SPG11: variants seen among roughly 807,000 people sequenced by gnomAD.
The protein encoded by SPG11 is spatacsin.
In SPG11, 222 loss-of-function variants were observed where a neutral mutation model predicts 274.0. That is an observed-to-expected ratio of 0.81 (90% CI 0.73 to 0.91). SPG11 has a LOEUF of 0.91. SPG11 is among the 40% of genes least tolerant of loss of function. SPG11 has a pLI of 0.00. For missense variants in SPG11, 3,114 were observed against 2,872.7 expected (o/e 1.08, Z -1.92); for synonymous variants, 1,144 against 1,039.7 (o/e 1.10, Z -1.93).
chr15:44,616,177 A>G (rs2083589669), intron 15 of SPG11, among the ~76,000 whole-genome samples: 2 of 145,544 alleles, frequency 1.4e-5, no homozygotes, highest in African/African-American at 5.1e-5. Context: ...GGTAGCCACT[A>G]TCTTGACTTT....
In SPG11 at chr15:44,628,973, G is replaced by T. The variant is rs981834904; in HGVS notation, c.1892-129C>A. 5.0e-6 allele frequency: 5 copies of T among 1,000,856 alleles called. No individual in the cohort carries two copies. The African/African-American group carries it at 8.0e-5, about 16-fold the overall frequency. 62.0% of individuals were successfully genotyped at this position (1,000,856 alleles called of 1,614,324 possible). On this transcript the variant is annotated intron_variant, in intron 9 of 39. Transcript: ENST00000261866. ...TTTAAATTTCAAACAATATGTCTGA[G>T]GATTTTCCTTTTTACAAGTAAGTAG...
intron 11 of SPG11, among the ~76,000 whole-genome samples, chr15:44,624,024 T>C (rs753140029): frequency 2.0e-4 from 30 of 151,978 alleles, no homozygotes; most frequent in Non-Finnish European, 3.2e-4. Flanking sequence ...GCCTCCAAAA[T>C]TGCTGGGATT....
intron 33 of SPG11, among the ~76,000 whole-genome samples, chr15:44,571,719 G>C (rs1053309676): frequency 1.3e-5 from 2 of 151,872 alleles, no homozygotes; most frequent in African/African-American, 2.4e-5. Context: ...GGATGATCTC[G>C]ATCTCCTGAC....
Position 44,596,244 on chromosome 15 carries a change from T to A in SPG11, c.4273A>T (p.Asn1425Tyr), listed in dbSNP as rs1328871207. 5 of 1,614,176 alleles carry A rather than the reference T, an allele frequency of 3.1e-6. No individual in the cohort carries two copies. Among genetic ancestry groups the A allele is most frequent in the Non-Finnish European group, 3.4e-6 (4 of 1,180,014 alleles). The change falls in exon 25 of 40, where the codon AAT (asparagine) becomes TAT (tyrosine). Residue 1425 changes from asparagine (N) to tyrosine (Y), a missense_variant. By Grantham distance (143) the Asn-to-Tyr change is moderately radical. Transcript: ENST00000261866. ...CCTTGAAGTTCCTGGGGGCACTTAT[T>A]GCAGACTTGATCGCTGTCCATTTTG... ...TSKMDSDQVC[N>Y]KCPQELQGSK...
intron 4 of SPG11, among the ~76,000 whole-genome samples, chr15:44,653,086 CTAATGTACAGAAAATGAGAAG>C: frequency 6.6e-6 from 1 of 151,944 alleles, no homozygotes; most frequent in East Asian, 1.9e-4. Context: ...GCTAGGGTGG[CTAATGTACAGAAAATGAGAAG>C]TAAGATGGAA....
At chr15:44,629,517 C>T (rs1340102305) in intron 8 of SPG11, 129 bp from the exon 9 acceptor site, 5 of 1,036,906 alleles carry the variant, frequency 4.8e-6, no homozygotes, top group East Asian at 2.6e-5. Flanking sequence ...TTTCAAAAAG[C>T]TCACAAAACT....
chr15:44,585,309 G>A (rs1470075575), intron 29 of SPG11, among the ~76,000 whole-genome samples: 1 of 151,860 alleles, frequency 6.6e-6, no homozygotes, highest in African/African-American at 2.4e-5. Context: ...GACCAATGAG[G>A]CTGGGCGTGG....
At chr15:44,654,434 G>C (rs1311111054) in intron 4 of SPG11, among the ~76,000 whole-genome samples, 2 of 152,122 alleles carry the variant, frequency 1.3e-5, no homozygotes, top group Non-Finnish European at 2.9e-5. Flanking sequence ...CTTGATCCCA[G>C]GAGGCGGACC....
Position 44,572,732 on chromosome 15 carries a change from C to G in SPG11, c.6294G>C (p.Met2098Ile). The G allele has an allele frequency of 6.2e-7, 1 of 1,614,144 alleles. No homozygotes were observed. Among genetic ancestry groups the G allele is most frequent in the Non-Finnish European group, 8.5e-7 (1 of 1,180,008 alleles). The part of the protein sequence containing the change: ...TLCQDRTLVG[M>I]KLLDKISSVP... ...CGGAGGAAATCTTATCCAACAACTT[C>G]ATGCCTACCAATGTGCGGTCTTGAC... The change falls in exon 33 of 40, where the codon ATG becomes ATC. Residue 2098 changes from methionine to isoleucine, a missense_variant. By Grantham distance (10) the Met-to-Ile change is conservative. Coordinates refer to ENST00000261866, the MANE Select transcript of SPG11 (RefSeq NM_025137.4).
At position 44,657,240 on chromosome 15, in the gene SPG11, T is replaced by C. The variant is rs2084967576; in HGVS notation, c.724A>G (p.Lys242Glu). 1 of 1,614,126 alleles carries C rather than the reference T, an allele frequency of 6.2e-7. No homozygotes were observed. The highest frequency in any genetic ancestry group is 8.5e-7 in the Non-Finnish European group (1 of 1,180,054). The change falls in exon 4 of 40, where the codon AAA becomes GAA. Residue 242 changes from lysine (K) to glutamate (E), a missense_variant. By Grantham distance (56) the Lys-to-Glu change is moderately conservative. Coordinates refer to ENST00000261866, the MANE Select transcript of SPG11 (RefSeq NM_025137.4). The part of the protein sequence containing the change: ...YVAHVDLALH[K>E]EDMCNEQQQE... ...TGCTGCTCATTACACATGTCTTCTT[T>C]GTGAAGTGCTAAATCCACATGAGCT... is the stretch of plus-strand genomic sequence containing the variant.
At chr15:44,635,479 A>G (rs986134508) in intron 7 of SPG11, among the ~76,000 whole-genome samples, 13 of 150,984 alleles carry the variant, frequency 8.6e-5, no homozygotes, top group African/African-American at 3.2e-4. Context: ...GGTGGCGCAC[A>G]CCTGTAGTCC....
chr15:44,575,949 C>A (rs1336921349), intron 30 of SPG11, among the ~76,000 whole-genome samples: 1 of 151,688 alleles, frequency 6.6e-6, no homozygotes, highest in Non-Finnish European at 1.5e-5. Flanking sequence ...TCGAGACCAG[C>A]CTGACCAACA....
chr15:44,585,203 TA>T (rs553523542), intron 29 of SPG11, among the ~76,000 whole-genome samples: 20 of 146,612 alleles, frequency 1.4e-4, no homozygotes, highest in South Asian at 2.1e-4. Context: ...GTGTCAAAAG[TA>T]AAAAAAAAAG....
intron 7 of SPG11, among the ~76,000 whole-genome samples, chr15:44,643,001 G>A (rs908834610): frequency 6.6e-6 from 1 of 152,066 alleles, no homozygotes; most frequent in Non-Finnish European, 1.5e-5. Context: ...CCTTGATGGT[G>A]GATACAAGAA....
At chr15:44,588,314 AAAAC>A (rs1253140115) in intron 28 of SPG11, among the ~76,000 whole-genome samples, 4 of 151,974 alleles carry the variant, frequency 2.6e-5, no homozygotes, top group African/African-American at 9.6e-5. Context: ...AACAAACAAA[AAAAC>A]AAGCACAATT....
rs958699342 is a variant in SPG11, at chr15:44,642,435, T to A, written c.1602+6431A>T. 5.4e-5 allele frequency among the ~76,000 whole-genome samples: 8 copies of A among 148,972 alleles called. 1 individual carries two copies. The highest frequency in any genetic ancestry group is 1.2e-4 in the Non-Finnish European group (8 of 67,104). On this transcript the variant is annotated intron_variant, in intron 7 of 39. Coordinates refer to ENST00000261866, the MANE Select transcript of SPG11 (RefSeq NM_025137.4). ...AAAAAAAATATGTAAAATATATAAT[T>A]ATATATATACACACACACACATACA...
chr15:44,587,406 C>G (rs1247088846), intron 28 of SPG11, among the ~76,000 whole-genome samples: 2 of 152,094 alleles, frequency 1.3e-5, no homozygotes, highest in African/African-American at 4.8e-5. Context: ...GAACATATTC[C>G]TGGCTGGGCA....
chr15:44,588,580 T>C (rs769338845), intron 28 of SPG11: 8 of 378,072 alleles, frequency 2.1e-5, no homozygotes, highest in Non-Finnish European at 3.8e-5. Flanking sequence ...CTCAGAAGGC[T>C]GGGCCGTTTG....
intron 30 of SPG11, among the ~76,000 whole-genome samples, chr15:44,577,097 G>A (rs980518314): frequency 2.6e-5 from 4 of 152,056 alleles, no homozygotes; most frequent in Non-Finnish European, 5.9e-5. Context: ...CAAAGTGCTG[G>A]GATTACAGGC....
Sources: gnomAD v4.1 joint callset for allele counts (sites outside exome capture counted in the v4.1 genomes callset) on GRCh38, gnomAD v4.1.1 for gene constraint, MANE v1.5 for transcripts, NCBI Gene and HGNC (gene_info 2026-07-23, HGNC 2026-07-21) for gene names.